The following SPATS2L variants were observed in gnomAD, a reference collection of about 807,000 sequenced individuals.
The protein encoded by SPATS2L is SPATS2-like protein.
SPATS2L carries 30 observed loss-of-function variants against 59.6 expected under a neutral mutation model. That is an observed-to-expected ratio of 0.50 (90% CI 0.38 to 0.68). The LOEUF (loss-of-function observed/expected upper bound fraction) is 0.68. Among genes scored for constraint, SPATS2L ranks in the 30% least tolerant of loss-of-function variants. The pLI, the probability that SPATS2L is intolerant of heterozygous loss-of-function variation, is 0.00. For missense variants in SPATS2L, 615 were observed against 700.0 expected (o/e 0.88, Z 1.37); for synonymous variants, 252 against 263.5 (o/e 0.96, Z 0.42).
intron 3 of SPATS2L, among the ~76,000 whole-genome samples, chr2:200,406,297 A>T (rs1033920104): frequency 6.6e-6 from 1 of 151,952 alleles, no homozygotes; most frequent in African/African-American, 2.4e-5. Flanking sequence ...ACCTTTGCCA[A>T]TCGGGATTAT....
At chr2:200,453,236 A>G (rs903129842) in intron 8 of SPATS2L, among the ~76,000 whole-genome samples, 11 of 152,214 alleles carry the variant, frequency 7.2e-5, no homozygotes, top group Admixed American at 7.2e-4. Context: ...GGGGAGCAGA[A>G]CAGCAAGGAA....
intron 1 of SPATS2L, 102 bp from the exon 2 acceptor site, chr2:200,329,329 T>G: frequency 1.0e-6 from 1 of 974,878 alleles, no homozygotes; most frequent in Non-Finnish European, 1.6e-6. Context: ...CCTGTCTTCT[T>G]GACTCCAGAT....
intron 2 of SPATS2L, among the ~76,000 whole-genome samples, chr2:200,375,236 T>G (rs543029748): frequency 6.6e-6 from 1 of 152,338 alleles, no homozygotes; most frequent in South Asian, 2.1e-4. Flanking sequence ...GGAGTGAGGC[T>G]AATGGTTAAA....
At chr2:200,439,381 A>T in intron 7 of SPATS2L, 53 bp downstream of exon 7, 1 of 1,475,334 alleles carries the variant, frequency 6.8e-7, no homozygotes, top group Non-Finnish European at 9.4e-7. Context: ...ACATACAGAA[A>T]AGTGCCAGAG....
intron 2 of SPATS2L, among the ~76,000 whole-genome samples, chr2:200,385,304 C>T (rs778859980): frequency 6.6e-6 from 1 of 152,192 alleles, no homozygotes; most frequent in African/African-American, 2.4e-5. Flanking sequence ...TGAGGCTTCA[C>T]GTTGCTAAAC....
At chr2:200,472,111 T>C (rs896806272) in intron 11 of SPATS2L, among the ~76,000 whole-genome samples, 3 of 152,044 alleles carry the variant, frequency 2.0e-5, no homozygotes, top group Non-Finnish European at 4.4e-5. Flanking sequence ...AGCCCTGAGC[T>C]CTGACGGGTG....
intron 1 of SPATS2L, among the ~76,000 whole-genome samples, chr2:200,321,627 T>C (rs1334509592): frequency 6.6e-6 from 1 of 152,254 alleles, no homozygotes; most frequent in Non-Finnish European, 1.5e-5. Context: ...GATAAACAAT[T>C]TTTAATTTAT....
Position 200,439,250 on chromosome 2 carries a change from G to A in SPATS2L, c.574G>A (p.Ala192Thr), listed in dbSNP as rs1208134560. 9.9e-6 allele frequency: 16 copies of A among 1,613,574 alleles called. No homozygotes were observed. Among genetic ancestry groups the A allele is most frequent in the Admixed American group, 1.7e-5 (1 of 59,944 alleles). ...GCCTTGTAACCCAAGCAAGCCTAAG[G>A]CAAAAACATCTCCTGTTAAGTCCAA... ...EQPCNPSKPK[A>T]KTSPVKSNTP... is the part of the protein sequence containing the mutation. Residue 192 changes from alanine (A) to threonine (T), a missense_variant, in exon 7 of 13, where the codon GCA (alanine) becomes ACA (threonine). Coordinates refer to ENST00000409140, the MANE Select transcript of SPATS2L (RefSeq NM_001100423.2).
chr2:200,396,664 T>C (rs2082364695), intron 3 of SPATS2L, among the ~76,000 whole-genome samples: 1 of 152,202 alleles, frequency 6.6e-6, no homozygotes, highest in South Asian at 2.1e-4. Flanking sequence ...CTTTAAAACA[T>C]TAACTCCATT....
intron 4 of SPATS2L, among the ~76,000 whole-genome samples, chr2:200,414,552 C>T (rs936725135): frequency 6.6e-6 from 1 of 151,952 alleles, no homozygotes; most frequent in African/African-American, 2.4e-5. Flanking sequence ...ATTGATTGGA[C>T]CCAGGAAGTC....
intron 1 of SPATS2L, among the ~76,000 whole-genome samples, chr2:200,318,333 T>C (rs1419396620): frequency 6.6e-6 from 1 of 152,196 alleles, no homozygotes; most frequent in Non-Finnish European, 1.5e-5. Flanking sequence ...AGTGACTTGG[T>C]CAGCTCTTGA....
rs200448921 is a variant in SPATS2L, at chr2:200,477,615, ATC to A, written c.1282-17_1282-16del. On this transcript the variant is annotated intron_variant, in intron 12 of 12. Transcript: ENST00000409140. Reference sequence around the variant, plus strand: ...AGTGGCTTGCTGGCATCTGATACTTATCTCTTTTCTTTTTTGGTAGAATGGAT... The same window carrying A: ...AGTGGCTTGCTGGCATCTGATACTTATCTTTTCTTTTTTGGTAGAATGGAT... The A allele has an allele frequency of 1.2e-3, 1,819 of 1,508,394 alleles. 19 individuals carry two copies. In the East Asian group the frequency reaches 0.029, roughly 24 times the overall value. 93.4% of individuals were successfully genotyped at this position (1,508,394 alleles called of 1,614,324 possible). A position where few individuals can be genotyped will look rare whatever the true frequency, so the allele number is the denominator to read the frequency against.
In SPATS2L at chr2:200,354,602, C is replaced by A. The variant is rs1327008637; in HGVS notation, c.-23+25122C>A. Among the ~76,000 whole-genome samples the A allele has an allele frequency of 2.1e-5, 3 of 141,504 alleles. No individual in the cohort carries two copies. The East Asian group carries it at 5.9e-4, about 28-fold the overall frequency. 92.8% of individuals were successfully genotyped at this position (141,504 alleles called of 152,430 possible). On this transcript the variant is annotated intron_variant, in intron 2 of 12. Coordinates refer to ENST00000409140, the MANE Select transcript of SPATS2L (RefSeq NM_001100423.2). Reference sequence around the variant, plus strand: ...CAGCCTGGGCGACAGAGCAAGACTCCGTCTCAAAAAAAAAGAGAATGGAGT... The same window carrying A: ...CAGCCTGGGCGACAGAGCAAGACTCAGTCTCAAAAAAAAAGAGAATGGAGT...
intron 2 of SPATS2L, among the ~76,000 whole-genome samples, chr2:200,333,544 C>T (rs2080030983): frequency 6.6e-6 from 1 of 151,512 alleles, no homozygotes; most frequent in African/African-American, 2.4e-5. Context: ...GGTACATGTG[C>T]ACAACGTGCA....
chr2:200,314,631 G>A (rs2079304520), intron 1 of SPATS2L, among the ~76,000 whole-genome samples: 1 of 152,144 alleles, frequency 6.6e-6, no homozygotes, highest in Admixed American at 6.5e-5. Context: ...CTCCTCTAAT[G>A]ATCCTGGTCC....
intron 1 of SPATS2L, among the ~76,000 whole-genome samples, chr2:200,314,286 C>G (rs1052774152): frequency 2.6e-5 from 4 of 152,212 alleles, no homozygotes; most frequent in Admixed American, 1.3e-4. Flanking sequence ...TCTTCAACCT[C>G]TACATTTTAT....
chr2:200,451,286 C>T lies in SPATS2L; in HGVS notation c.789-8483C>T, dbSNP rs114551013. ...CAGGGAGCCAACATCACACCCACAC[C>T]GCTGCACCCCAACCTGGGCAACAGA... is the stretch of plus-strand genomic sequence containing the variant. On this transcript the variant is annotated intron_variant, in intron 8 of 12. Transcript: ENST00000409140. Among the ~76,000 whole-genome samples the T allele has an allele frequency of 5.1e-3, 769 of 151,926 alleles. 5 individuals are homozygous for T. Among genetic ancestry groups the T allele is most frequent in the African/African-American group, 0.016 (659 of 41,422 alleles).
chr2:200,412,226 G>A (rs2082899288), intron 3 of SPATS2L, 85 bp from the exon 4 acceptor site: 1 of 782,510 alleles, frequency 1.3e-6, no homozygotes, highest in South Asian at 2.4e-5. Flanking sequence ...TCTAATAGTT[G>A]TAATTCTATC....
intron 3 of SPATS2L, among the ~76,000 whole-genome samples, chr2:200,406,038 C>T (rs183613066): frequency 8.4e-4 from 128 of 152,328 alleles, no homozygotes; most frequent in African/African-American, 3.0e-3. Context: ...CTCCCTGCTT[C>T]CTTTTACTCA....
Sources: gnomAD v4.1 joint callset for allele counts (sites outside exome capture counted in the v4.1 genomes callset) on GRCh38, gnomAD v4.1.1 for gene constraint, MANE v1.5 for transcripts, NCBI Gene and HGNC (gene_info 2026-07-23, HGNC 2026-07-21) for gene names.